Variants in TCF7L1 observed in about 807,000 individuals in gnomAD.
TCF7L1 encodes the protein transcription factor 7 like 1, also known as transcription factor 7-like 1.
In TCF7L1, 18 loss-of-function variants were observed where a neutral mutation model predicts 63.7. That is an observed-to-expected ratio of 0.28 (90% CI 0.20 to 0.42). TCF7L1 has a LOEUF of 0.42. TCF7L1 is among the 10% of genes least tolerant of loss of function. TCF7L1 has a pLI of 1.00. For missense variants in TCF7L1, 654 were observed against 779.3 expected, an observed-to-expected ratio of 0.84 and a Z score of 1.91; for synonymous variants, 355 against 340.9, an observed-to-expected ratio of 1.04 and a Z score of -0.46.
At chr2:85,264,061 G>A (rs912696145) in intron 3 of TCF7L1, among the ~76,000 whole-genome samples, 3 of 152,156 alleles carry the variant, frequency 2.0e-5, no homozygotes, top group Non-Finnish European at 4.4e-5. Context: ...GGGGTTTGAC[G>A]GTTTTGTAAA....
At chr2:85,204,645 A>G (rs145491982) in intron 3 of TCF7L1, among the ~76,000 whole-genome samples, 98 of 152,256 alleles carry the variant, frequency 6.4e-4, no homozygotes, top group African/African-American at 2.3e-3. Flanking sequence ...CCTACCAAGT[A>G]GTTGGAACTG....
chr2:85,148,944 A>G (rs1677944084), intron 3 of TCF7L1, among the ~76,000 whole-genome samples: 1 of 151,790 alleles, frequency 6.6e-6, no homozygotes, highest in Non-Finnish European at 1.5e-5. Context: ...ACACCCAGCT[A>G]ATTTTTGTAT....
chr2:85,159,221 C>T (rs949803283), intron 3 of TCF7L1, among the ~76,000 whole-genome samples: 1 of 152,130 alleles, frequency 6.6e-6, no homozygotes, highest in Non-Finnish European at 1.5e-5. Context: ...TTCTTCCCAG[C>T]CTTTTAGGCC....
At chr2:85,188,635 G>A (rs1311941345) in intron 3 of TCF7L1, among the ~76,000 whole-genome samples, 1 of 152,140 alleles carries the variant, frequency 6.6e-6, no homozygotes, top group Non-Finnish European at 1.5e-5. Context: ...GTTAACATTT[G>A]TGAATTTAGG....
At chr2:85,276,440 T>C (rs1681271712) in intron 3 of TCF7L1, among the ~76,000 whole-genome samples, 1 of 152,204 alleles carries the variant, frequency 6.6e-6, no homozygotes, top group African/African-American at 2.4e-5. Context: ...ACAATGACAT[T>C]ATTCAAAATG....
rs561349499 is a variant in TCF7L1, at chr2:85,309,733, G to C, written c.*271G>C. ...TATTCGTCCTGTAGGTGCTGTGGTGGATGGACCTGGGCAGAGGGCACTTCT... is the reference window on the plus strand; with the variant it reads ...TATTCGTCCTGTAGGTGCTGTGGTGCATGGACCTGGGCAGAGGGCACTTCT... On this transcript the variant is annotated 3_prime_UTR_variant, in exon 12 of 12. Transcript: ENST00000282111. The C allele has an allele frequency of 2.6e-6, 1 of 384,268 alleles. No individual in the cohort carries two copies. Among genetic ancestry groups the C allele is most frequent in the South Asian group, 8.3e-5 (1 of 12,102 alleles). The allele number at this position is 384,268 out of a possible 1,614,324, so 23.8% of individuals were successfully genotyped here.
intron 3 of TCF7L1, among the ~76,000 whole-genome samples, chr2:85,180,210 G>T (rs926488810): frequency 2.3e-4 from 33 of 144,504 alleles, no homozygotes; most frequent in Admixed American, 3.5e-4. Flanking sequence ...CTGCAAAGTG[G>T]TTTTTTTTTT....
intron 3 of TCF7L1, among the ~76,000 whole-genome samples, chr2:85,158,735 G>A (rs115897754): frequency 0.013 from 1,905 of 152,304 alleles, 36 homozygotes; most frequent in African/African-American, 0.044. Flanking sequence ...CTCTGTAAGT[G>A]GATAATTGAG....
At chr2:85,301,756 C>G (rs1018063208) in intron 4 of TCF7L1, among the ~76,000 whole-genome samples, 2 of 152,172 alleles carry the variant, frequency 1.3e-5, no homozygotes, top group Non-Finnish European at 2.9e-5. Context: ...GCAACTCTCC[C>G]CCTGCCCTGT....
At chr2:85,144,409 T>C (rs372954503) in intron 3 of TCF7L1, among the ~76,000 whole-genome samples, 82 of 128,134 alleles carry the variant, frequency 6.4e-4, no homozygotes, top group African/African-American at 2.3e-3. Context: ...GGCAAAACCC[T>C]GTCTCTACAA....
rs1360642994 is a variant in TCF7L1 at position 85,133,873 on chromosome 2, C to T, written c.189C>T (p.Asp63=). Residue 63 remains aspartate, a synonymous_variant, in exon 1 of 12, where the codon GAC becomes GAT. Transcript: ENST00000282111. This position sits in a 1 kb window ranked among gnomAD's most constrained non-coding sequence, Gnocchi z 4.4. ...GCGCCTCGGCGCAGCGGGACCTAGA[C>T]GAGGTCAAGTCGTCCCTGGTCAACG... is the stretch of plus-strand genomic sequence containing the variant. ...SDSASAQRDL[D]EVKSSLVNES... The T allele has an allele frequency of 1.3e-6, 2 of 1,523,182 alleles. No homozygotes were observed. The highest frequency in any genetic ancestry group is 1.4e-5 in the African/African-American group (1 of 71,308). 94.4% of individuals were successfully genotyped at this position (1,523,182 alleles called of 1,614,324 possible).
chr2:85,303,114 T>A (rs1682024341), intron 5 of TCF7L1, among the ~76,000 whole-genome samples: 1 of 152,246 alleles, frequency 6.6e-6, no homozygotes, highest in Non-Finnish European at 1.5e-5. Flanking sequence ...CACTGCAGCC[T>A]TGACCTCCCG....
Position 85,306,062 on chromosome 2 carries a change from A to G in TCF7L1, c.990-144A>G. 1 of 845,948 alleles carries G rather than the reference A, an allele frequency of 1.2e-6. No homozygotes were observed. The highest frequency in any genetic ancestry group is 1.9e-6 in the Non-Finnish European group (1 of 538,396). The allele number at this position is 845,948 out of a possible 1,614,324, so 52.4% of individuals were successfully genotyped here. On this transcript the variant is annotated intron_variant, in intron 8 of 11. Coordinates refer to ENST00000282111, the MANE Select transcript of TCF7L1 (RefSeq NM_031283.3). This position sits in a 1 kb window ranked among gnomAD's most constrained non-coding sequence, Gnocchi z 4.3. ...ACGGGAGGAAGGTACTCAGGTGTTG[A>G]GTGCAGCCATGGGGCCACTTGAATT...
At chr2:85,135,726 T>TGA (rs963914862) in intron 3 of TCF7L1, among the ~76,000 whole-genome samples, 1 of 151,226 alleles carries the variant, frequency 6.6e-6, no homozygotes, top group African/African-American at 2.4e-5. Context: ...AGACTCTGAC[T>TGA]GAGAGAGAGG....
intron 4 of TCF7L1, among the ~76,000 whole-genome samples, chr2:85,295,179 A>G (rs1393400657): frequency 6.6e-6 from 1 of 152,142 alleles, no homozygotes; most frequent in East Asian, 1.9e-4. Flanking sequence ...CTTAATACAC[A>G]GTAATAACTT....
chr2:85,184,020 A>G (rs1293644645), intron 3 of TCF7L1, among the ~76,000 whole-genome samples: 1 of 152,170 alleles, frequency 6.6e-6, no homozygotes, highest in Non-Finnish European at 1.5e-5. Flanking sequence ...GAGGTGATAC[A>G]AGGTGTCATT....
chr2:85,203,971 G>A (rs372797202), intron 3 of TCF7L1, among the ~76,000 whole-genome samples: 13 of 152,126 alleles, frequency 8.5e-5, no homozygotes, highest in African/African-American at 2.7e-4. Context: ...AGGGAGGGGC[G>A]GTTTGGAAGG....
At chr2:85,156,027 T>TA (rs370132684) in intron 3 of TCF7L1, among the ~76,000 whole-genome samples, 48 of 152,094 alleles carry the variant, frequency 3.2e-4, no homozygotes, top group African/African-American at 1.0e-3. Context: ...CATAATGAGG[T>TA]AAAAAAAGGA....
intron 3 of TCF7L1, among the ~76,000 whole-genome samples, chr2:85,218,648 G>A (rs116814949): frequency 0.04 from 6,058 of 150,544 alleles, 154 homozygotes; most frequent in Non-Finnish European, 0.054. Flanking sequence ...ATGGGGGGGG[G>A]AAAACTGGTG....
Sources: allele counts gnomAD v4.1 joint callset (sites outside exome capture counted in the v4.1 genomes callset), GRCh38; gene constraint gnomAD v4.1.1; non-coding constraint Gnocchi (gnomAD v3.1); transcripts MANE v1.5; gene names NCBI Gene and HGNC (gene_info 2026-07-23, HGNC 2026-07-21).